The following EIF4G3 variants were observed in gnomAD, a reference collection of about 807,000 sequenced individuals.
EIF4G3 encodes the protein eukaryotic translation initiation factor 4 gamma 3.
In EIF4G3, 34 loss-of-function variants were observed where a neutral mutation model predicts 186.4. That is an observed-to-expected ratio of 0.18 (90% CI 0.14 to 0.24). The LOEUF is 0.24. Among genes scored for constraint, EIF4G3 ranks in the 10% least tolerant of loss-of-function variants. The probability of loss-of-function intolerance (pLI) is 1.00; values close to 1 mark genes in which losing one functional copy is unlikely to be tolerated. For missense variants in EIF4G3, 1,536 were observed against 1,948.5 expected (o/e 0.79, Z 3.99); for synonymous variants, 673 against 679.5 (o/e 0.99, Z 0.15).
At chr1:21,132,583 G>A (rs1479578271) in intron 2 of EIF4G3, among the ~76,000 whole-genome samples, 2 of 151,652 alleles carry the variant, frequency 1.3e-5, no homozygotes, top group African/African-American at 4.9e-5. Context: ...AGGACCACAG[G>A]CATATGCCAC....
intron 2 of EIF4G3, among the ~76,000 whole-genome samples, chr1:21,125,680 T>C (rs909413124): frequency 1.9e-4 from 29 of 151,464 alleles, no homozygotes; most frequent in African/African-American, 6.5e-4. Flanking sequence ...GATTGTGCCA[T>C]TGCACTCCAG....
chr1:20,919,694 C>CA (rs750824839), intron 14 of EIF4G3, among the ~76,000 whole-genome samples: 2 of 152,094 alleles, frequency 1.3e-5, no homozygotes, highest in Non-Finnish European at 2.9e-5. Context: ...AGAAGGGAGA[C>CA]ACAGCGTCTA....
chr1:21,005,960 T>C (rs1320474491), intron 4 of EIF4G3, among the ~76,000 whole-genome samples: 1 of 152,226 alleles, frequency 6.6e-6, no homozygotes, highest in Non-Finnish European at 1.5e-5. Context: ...CAATCTCTAA[T>C]GCAGCCACAT....
chr1:20,960,359 A>AG (rs2096544113), intron 12 of EIF4G3, among the ~76,000 whole-genome samples: 2 of 151,976 alleles, frequency 1.3e-5, no homozygotes, highest in Non-Finnish European at 2.9e-5. Flanking sequence ...CCAGCTACTC[A>AG]GGAGGCTGAG....
At chr1:21,089,326 G>A in intron 2 of EIF4G3, 113 bp from the exon 3 acceptor site, 1 of 629,930 alleles carries the variant, frequency 1.6e-6, no homozygotes, top group Non-Finnish European at 2.9e-6. Context: ...CAATTAGTGA[G>A]TTATATACTT....
chr1:20,893,736 C>T (rs146406020), intron 17 of EIF4G3, 100 bp from the exon 18 acceptor site: 55 of 1,338,124 alleles, frequency 4.1e-5, no homozygotes, highest in Middle Eastern at 2.2e-4. Flanking sequence ...TCAGCTGAAA[C>T]GGTAAGCACC....
intron 7 of EIF4G3, among the ~76,000 whole-genome samples, chr1:20,992,178 C>CA (rs1161196928): frequency 1.4e-4 from 22 of 151,986 alleles, no homozygotes; most frequent in Non-Finnish European, 8.8e-5. Context: ...TACCAAGCTC[C>CA]AAAAAACAAA....
At chr1:21,008,200 T>C (rs1235698878) in intron 4 of EIF4G3, among the ~76,000 whole-genome samples, 2 of 152,224 alleles carry the variant, frequency 1.3e-5, no homozygotes, top group Admixed American at 6.5e-5. Context: ...TGCTATTTTA[T>C]AGAGTTCTAA....
intron 14 of EIF4G3, among the ~76,000 whole-genome samples, chr1:20,917,556 T>A (rs1346274562): frequency 1.3e-5 from 2 of 152,166 alleles, no homozygotes; most frequent in African/African-American, 4.8e-5. Flanking sequence ...ACGTAAGATT[T>A]CTAAAATGCA....
intron 4 of EIF4G3, among the ~76,000 whole-genome samples, chr1:21,028,727 A>T (rs7523514): frequency 0.033 from 4,996 of 152,322 alleles, 272 homozygotes; most frequent in African/African-American, 0.11. Flanking sequence ...AGCTATATAC[A>T]GTGTATGGCC....
At chr1:21,103,938 A>G (rs2096570620) in intron 2 of EIF4G3, among the ~76,000 whole-genome samples, 1 of 152,172 alleles carries the variant, frequency 6.6e-6, no homozygotes, top group East Asian at 1.9e-4. Context: ...TTCATGCTGC[A>G]GGGGTCTTGG....
At chr1:20,993,101 A>G (rs1259410188) in intron 7 of EIF4G3, among the ~76,000 whole-genome samples, 1 of 152,190 alleles carries the variant, frequency 6.6e-6, no homozygotes, top group Non-Finnish European at 1.5e-5. Flanking sequence ...TAAAATGCCA[A>G]AAGAATAGCA....
chr1:20,825,943 C>T (rs1366984678), intron 32 of EIF4G3, among the ~76,000 whole-genome samples: 5 of 152,150 alleles, frequency 3.3e-5, no homozygotes, highest in Non-Finnish European at 7.3e-5. Context: ...GTTACAGTGA[C>T]AACGGAAAAT....
At chr1:20,875,726 A>T (rs903853748) in intron 20 of EIF4G3, among the ~76,000 whole-genome samples, 6 of 152,204 alleles carry the variant, frequency 3.9e-5, no homozygotes, top group African/African-American at 1.4e-4. Flanking sequence ...AGTCTGGGCA[A>T]CATATTGAGA....
intron 3 of EIF4G3, among the ~76,000 whole-genome samples, chr1:21,052,047 A>T (rs1351819743): frequency 1.3e-5 from 2 of 152,208 alleles, no homozygotes; most frequent in Non-Finnish European, 2.9e-5. Flanking sequence ...CTTAACAGAA[A>T]GCATTACAGG....
At chr1:21,154,511 A>G (rs2097603783) in intron 2 of EIF4G3, among the ~76,000 whole-genome samples, 1 of 152,230 alleles carries the variant, frequency 6.6e-6, no homozygotes, top group Non-Finnish European at 1.5e-5. Context: ...GTTGAACTTT[A>G]AGAATCCTTC....
intron 18 of EIF4G3, 37 bp from the exon 19 acceptor site, chr1:20,886,408 C>G (rs776355068): frequency 6.3e-7 from 1 of 1,596,664 alleles, no homozygotes; most frequent in South Asian, 1.1e-5. Context: ...AGAGTACTTA[C>G]AATTTATTGG....
intron 14 of EIF4G3, among the ~76,000 whole-genome samples, chr1:20,940,632 G>A (rs72652978): frequency 0.045 from 6,854 of 152,214 alleles, 218 homozygotes; most frequent in Non-Finnish European, 0.067. Flanking sequence ...ATTTACATAC[G>A]CATTACTTAA....
intron 14 of EIF4G3, among the ~76,000 whole-genome samples, chr1:20,913,368 C>T (rs1287033076): frequency 6.6e-6 from 1 of 152,088 alleles, no homozygotes; most frequent in African/African-American, 2.4e-5. Context: ...GACACCATCT[C>T]TACAAAAAAA....
Sources: gnomAD v4.1 joint callset for allele counts (sites outside exome capture counted in the v4.1 genomes callset) on GRCh38, gnomAD v4.1.1 for gene constraint, MANE v1.5 for transcripts, NCBI Gene and HGNC (gene_info 2026-07-23, HGNC 2026-07-21) for gene names.